CNNM2: variants seen among roughly 807,000 people sequenced by gnomAD.
CNNM2 encodes the protein metal transporter CNNM2.
A neutral mutation model predicts 66.9 loss-of-function variants in CNNM2; 12 were observed. The ratio of observed to expected loss-of-function variants is 0.18; its 90% CI spans 0.11 to 0.29. CNNM2 has a LOEUF of 0.29. Ranked by LOEUF, CNNM2 falls within the 10% of genes least tolerant of loss-of-function variation. CNNM2 has a pLI of 1.00. For missense variants in CNNM2, 705 were observed against 1,167.7 expected (o/e 0.60, Z 5.77); for synonymous variants, 557 against 501.8 (o/e 1.11, Z -1.47).
At chr10:102,949,782 C>T (rs943816071) in intron 1 of CNNM2, among the ~76,000 whole-genome samples, 1 of 151,898 alleles carries the variant, frequency 6.6e-6, no homozygotes, top group Non-Finnish European at 1.5e-5. Context: ...AAGAGTGAAA[C>T]TCCATCTCAA....
intron 4 of CNNM2, among the ~76,000 whole-genome samples, chr10:103,066,286 C>CCCTGACCTCTCTCCAGA (rs2065475304): frequency 6.6e-6 from 1 of 152,162 alleles, no homozygotes; most frequent in African/African-American, 2.4e-5. Context: ...CCATCTCCAG[C>CCCTGACCTCTCTCCAGA]CCTGACCTCT....
chr10:102,998,640 G>A lies in CNNM2; in HGVS notation c.1622-51067G>A, dbSNP rs1007145063. The stretch of plus-strand genomic sequence containing the variant: ...CAGACATAAAACTTTATTCACAGGT[G>A]ACACGATCTTCTATATAGAAAATGC... On this transcript the variant is annotated intron_variant, in intron 1 of 7. Coordinates refer to ENST00000369878, the MANE Select transcript of CNNM2 (RefSeq NM_017649.5). Among the ~76,000 whole-genome samples, 4 of 152,118 alleles carry A rather than the reference G, an allele frequency of 2.6e-5. No homozygotes were observed. In the East Asian group the frequency reaches 7.7e-4, roughly 29 times the overall value.
At chr10:102,934,893 T>G (rs916707447) in intron 1 of CNNM2, among the ~76,000 whole-genome samples, 1 of 149,600 alleles carries the variant, frequency 6.7e-6, no homozygotes. Flanking sequence ...GCATGGTGGC[T>G]CATGCCTGTA....
At chr10:102,999,665 C>T (rs1016544039) in intron 1 of CNNM2, among the ~76,000 whole-genome samples, 5 of 151,998 alleles carry the variant, frequency 3.3e-5, no homozygotes, top group Non-Finnish European at 7.4e-5. Context: ...CCCACCTCTC[C>T]GCACCAGAGG....
At chr10:102,947,557 A>C (rs902561672) in intron 1 of CNNM2, among the ~76,000 whole-genome samples, 3 of 151,972 alleles carry the variant, frequency 2.0e-5, no homozygotes, top group Admixed American at 2.0e-4. Context: ...GTTTGAGATT[A>C]GCCTGGCCAA....
In CNNM2 at chr10:103,088,844, T is replaced by A; in HGVS notation, c.*11664T>A. On this transcript the variant is annotated 3_prime_UTR_variant, in exon 8 of 8. Coordinates refer to ENST00000369878, the MANE Select transcript of CNNM2 (RefSeq NM_017649.5). The stretch of plus-strand genomic sequence containing the variant: ...CAAAGAAATCTGGAATTGGGTAGCA[T>A]GAGCCACAGCTATATAGCCCACACT... 5.0e-6 allele frequency: 1 copy of A among 198,040 alleles called. No homozygotes were observed. Among genetic ancestry groups the A allele is most frequent in the Non-Finnish European group, 1.0e-5 (1 of 95,590 alleles). The allele number at this position is 198,040 out of a possible 1,614,324, so 12.3% of individuals were successfully genotyped here. A position where few individuals can be genotyped will look rare whatever the true frequency, so the allele number is the denominator to read the frequency against.
chr10:102,965,606 T>C (rs1564823585), intron 1 of CNNM2, among the ~76,000 whole-genome samples: 1 of 152,206 alleles, frequency 6.6e-6, no homozygotes, highest in Non-Finnish European at 1.5e-5. Flanking sequence ...GCTTTACTGT[T>C]TTCATGCTTG....
intron 1 of CNNM2, among the ~76,000 whole-genome samples, chr10:102,925,510 G>T (rs1259525775): frequency 2.6e-5 from 4 of 151,976 alleles, no homozygotes; most frequent in Non-Finnish European, 5.9e-5. Context: ...CCCTGAGAAA[G>T]AGAAAAAACA....
At chr10:102,923,754 C>T (rs980387946) in intron 1 of CNNM2, among the ~76,000 whole-genome samples, 4 of 152,176 alleles carry the variant, frequency 2.6e-5, no homozygotes, top group Admixed American at 2.0e-4. Flanking sequence ...ACAGCATTTG[C>T]ATATCCAGCA....
chr10:103,057,035 G>A, intron 4 of CNNM2, 71 bp downstream of exon 4: 6 of 1,486,064 alleles, frequency 4.0e-6, no homozygotes, highest in Non-Finnish European at 4.6e-6. Flanking sequence ...TAAGTGAATG[G>A]GTGTCACCGT....
chr10:102,973,057 T>C (rs2063570370), intron 1 of CNNM2, among the ~76,000 whole-genome samples: 1 of 152,184 alleles, frequency 6.6e-6, no homozygotes, highest in Non-Finnish European at 1.5e-5. Context: ...TTTTGTAGTA[T>C]AATGGTTCAT....
At chr10:102,934,007 CTTTTTTT>C (rs34063291) in intron 1 of CNNM2, among the ~76,000 whole-genome samples, 3 of 135,252 alleles carry the variant, frequency 2.2e-5, no homozygotes, top group Non-Finnish European at 4.8e-5. Context: ...CTTATTTTAA[CTTTTTTT>C]TTTTTTTTTT....
chr10:103,054,075 C>T lies in CNNM2; in HGVS notation c.1766-254C>T, dbSNP rs938206940. 1.3e-5 allele frequency among the ~76,000 whole-genome samples: 2 copies of T among 152,148 alleles called. No homozygotes were observed. The highest frequency in any genetic ancestry group is 4.8e-5 in the African/African-American group (2 of 41,434). On this transcript the variant is annotated intron_variant, in intron 2 of 7. Transcript: ENST00000369878. This position sits in a 1 kb window ranked among gnomAD's most constrained non-coding sequence, Gnocchi z 5.2. ...GTGCTCACAAGGGCCCTCTACAGACCTTCCTGAAGTACATTCACTAATCAG... is the reference window on the plus strand; with the variant it reads ...GTGCTCACAAGGGCCCTCTACAGACTTTCCTGAAGTACATTCACTAATCAG...
rs143964801 is a variant in CNNM2 at position 102,919,425 on chromosome 10, G to T, written c.945G>T (p.Leu315=). Reference sequence around the variant, plus strand: ...CGGTGCGCAGGCAGGGCAACTACCTGCTGTGCTCACTGCTGCTGGGCAACG... The same window carrying T: ...CGGTGCGCAGGCAGGGCAACTACCTTCTGTGCTCACTGCTGCTGGGCAACG... ...IEPVRRQGNY[L]LCSLLLGNVL... The change falls in exon 1 of 8, where the codon CTG becomes CTT. Residue 315 remains leucine (L), a synonymous_variant. Transcript: ENST00000369878. The T allele has an allele frequency of 6.2e-7, 1 of 1,611,416 alleles. No homozygotes were observed. Among genetic ancestry groups the T allele is most frequent in the Non-Finnish European group, 8.5e-7 (1 of 1,180,038 alleles).
intron 1 of CNNM2, among the ~76,000 whole-genome samples, chr10:103,028,707 A>G (rs2064755557): frequency 6.6e-6 from 1 of 151,848 alleles, no homozygotes; most frequent in East Asian, 1.9e-4. Flanking sequence ...GTGTCCCAGG[A>G]AAAAAAAGAC....
intron 1 of CNNM2, among the ~76,000 whole-genome samples, chr10:102,993,717 C>A (rs1843852753): frequency 6.6e-6 from 1 of 152,002 alleles, no homozygotes; most frequent in African/African-American, 2.4e-5. Context: ...TTCAGGACGA[C>A]CAAGGTAGTA....
At chr10:102,951,982 T>C (rs1390312997) in intron 1 of CNNM2, among the ~76,000 whole-genome samples, 2 of 152,108 alleles carry the variant, frequency 1.3e-5, no homozygotes. Flanking sequence ...TTTGTATTTT[T>C]AGTAGAGACA....
At chr10:103,037,261 A>G (rs920921833) in intron 1 of CNNM2, among the ~76,000 whole-genome samples, 1 of 148,162 alleles carries the variant, frequency 6.7e-6, no homozygotes, top group African/African-American at 2.4e-5. Context: ...ATAGTATTAT[A>G]TAATAAATAT....
chr10:102,976,173 T>C (rs1250159204), intron 1 of CNNM2, among the ~76,000 whole-genome samples: 1 of 152,198 alleles, frequency 6.6e-6, no homozygotes, highest in Non-Finnish European at 1.5e-5. Context: ...AAAACATGCA[T>C]GCTTGTGCTA....
Sources: gnomAD v4.1 joint callset for allele counts (sites outside exome capture counted in the v4.1 genomes callset) on GRCh38, gnomAD v4.1.1 for gene constraint, Gnocchi (gnomAD v3.1) non-coding constraint, MANE v1.5 for transcripts, NCBI Gene and HGNC (gene_info 2026-07-23, HGNC 2026-07-21) for gene names.